Variants in ARID5B observed in about 807,000 individuals in gnomAD.
The protein encoded by ARID5B is AT-rich interactive domain-containing protein 5B.
In ARID5B, 13 loss-of-function variants were observed where a neutral mutation model predicts 97.2. The observed-to-expected ratio is 0.13, with a 90% CI of 0.09 to 0.21. ARID5B has a LOEUF of 0.21. ARID5B is among the 10% of genes least tolerant of loss of function. The pLI is 1.00. For missense variants in ARID5B, 1,210 were observed against 1,465.3 expected, an observed-to-expected ratio of 0.83 and a Z score of 2.84; for synonymous variants, 556 against 570.3, an observed-to-expected ratio of 0.97 and a Z score of 0.36.
chr10:62,003,063 A>G (rs1183852110), intron 4 of ARID5B, among the ~76,000 whole-genome samples: 1 of 152,222 alleles, frequency 6.6e-6, no homozygotes, highest in East Asian at 1.9e-4. Flanking sequence ...TCTCAAAAGG[A>G]CACTGTTTGC....
intron 3 of ARID5B, among the ~76,000 whole-genome samples, chr10:61,984,308 G>A (rs1275392062): frequency 6.6e-6 from 1 of 152,204 alleles, no homozygotes; most frequent in Non-Finnish European, 1.5e-5. Context: ...GTTCACCCAT[G>A]TAAACCCACT....
chr10:61,946,928 A>T (rs1329278994), intron 3 of ARID5B, among the ~76,000 whole-genome samples: 1 of 152,172 alleles, frequency 6.6e-6, no homozygotes, highest in African/African-American at 2.4e-5. Flanking sequence ...CTCAAAAAAA[A>T]ATAATAATAA....
At chr10:61,946,914 C>G (rs1838246323) in intron 3 of ARID5B, among the ~76,000 whole-genome samples, 1 of 151,928 alleles carries the variant, frequency 6.6e-6, no homozygotes, top group Non-Finnish European at 1.5e-5. Flanking sequence ...GAGTGAGACT[C>G]TGTCTCAAAA....
intron 5 of ARID5B, among the ~76,000 whole-genome samples, chr10:62,056,072 C>T (rs10995019): frequency 0.33 from 49,769 of 151,696 alleles, 8,469 homozygotes; most frequent in East Asian, 0.48. Flanking sequence ...CTTTGTACTT[C>T]CCCCTTTTAC....
At chr10:61,991,422 T>G (rs1838923923) in intron 3 of ARID5B, among the ~76,000 whole-genome samples, 1 of 152,196 alleles carries the variant, frequency 6.6e-6, no homozygotes, top group Admixed American at 6.5e-5. Context: ...CTCACTGTGG[T>G]TTTGCTTTAC....
chr10:62,088,578 TGTAA>T (rs1840323089), intron 9 of ARID5B, among the ~76,000 whole-genome samples: 1 of 152,230 alleles, frequency 6.6e-6, no homozygotes, highest in Admixed American at 6.5e-5. Flanking sequence ...TTCAGGGAGC[TGTAA>T]GTGTCTCAGG....
chr10:61,965,168 T>TA lies in ARID5B; in HGVS notation c.502+24761dup, dbSNP rs1314559194. ...GAATGGATGGCTAATGATTAGCTGT[T>TA]ACAGTCCAAAGGGGCAGGGTATTTT... On this transcript the variant is annotated intron_variant, in intron 3 of 9. Coordinates refer to ENST00000279873, the MANE Select transcript of ARID5B (RefSeq NM_032199.3). Among the ~76,000 whole-genome samples, 3 of 152,188 alleles carry TA rather than the reference T, an allele frequency of 2.0e-5. No individual in the cohort carries two copies. In the East Asian group the frequency reaches 5.8e-4, roughly 29 times the overall value.
intron 3 of ARID5B, among the ~76,000 whole-genome samples, chr10:61,990,372 C>A (rs894831131): frequency 6.6e-6 from 1 of 152,114 alleles, no homozygotes; most frequent in African/African-American, 2.4e-5. Context: ...ACCACATGAC[C>A]CTTTGTCTAA....
intron 9 of ARID5B, among the ~76,000 whole-genome samples, chr10:62,088,697 C>A (rs9415639): frequency 3.9e-5 from 6 of 152,108 alleles, no homozygotes; most frequent in Non-Finnish European, 7.4e-5. Context: ...AACATAGAAC[C>A]ATGTTATTAG....
intron 8 of ARID5B, among the ~76,000 whole-genome samples, chr10:62,074,303 CT>C (rs1434389870): frequency 6.6e-6 from 1 of 152,208 alleles, no homozygotes; most frequent in African/African-American, 2.4e-5. Flanking sequence ...TCTTCATCTT[CT>C]TGCACACATA....
intron 3 of ARID5B, among the ~76,000 whole-genome samples, chr10:61,949,181 C>A (rs1449820934): frequency 6.6e-6 from 1 of 152,194 alleles, no homozygotes; most frequent in Non-Finnish European, 1.5e-5. Flanking sequence ...TCTGTTTAAG[C>A]TATTCCAACC....
rs1320976560 is a variant in ARID5B, at chr10:62,050,946, A to G, written c.792A>G (p.Ser264=). 1.9e-6 allele frequency: 3 copies of G among 1,614,226 alleles called. No individual in the cohort carries two copies. The highest frequency in any genetic ancestry group is 1.1e-5 in the South Asian group (1 of 91,088). Residue 264 remains serine, a synonymous_variant, in exon 5 of 10, where the codon TCA becomes TCG. Coordinates refer to ENST00000279873, the MANE Select transcript of ARID5B (RefSeq NM_032199.3). ...KKKPCPQRRD[S]FSGVKDSNNN... Reference sequence around the variant, plus strand: ...AACCATGCCCACAAAGAAGAGATTCATTCAGTGGTGTTAAGGATTCCAACA... The same window carrying G: ...AACCATGCCCACAAAGAAGAGATTCGTTCAGTGGTGTTAAGGATTCCAACA...
chr10:61,919,106 TAACTG>T (rs1319926381), intron 2 of ARID5B, among the ~76,000 whole-genome samples: 2 of 126,502 alleles, frequency 1.6e-5, no homozygotes, highest in East Asian at 2.5e-4. Context: ...ATGTCAAAAT[TAACTG>T]AGATAGGAGT....
chr10:61,930,378 T>C (rs1844183368), intron 2 of ARID5B, among the ~76,000 whole-genome samples: 1 of 152,138 alleles, frequency 6.6e-6, no homozygotes, highest in Non-Finnish European at 1.5e-5. Flanking sequence ...ACAAAGGTAG[T>C]GTTTTTCCTT....
At chr10:61,925,598 C>A (rs1844090187) in intron 2 of ARID5B, among the ~76,000 whole-genome samples, 3 of 152,076 alleles carry the variant, frequency 2.0e-5, no homozygotes, top group Admixed American at 2.0e-4. Flanking sequence ...CACTGGGATG[C>A]AATTTTCTGC....
In ARID5B at chr10:61,947,780, G is replaced by T. The variant is rs79542569; in HGVS notation, c.502+7372G>T. Among the ~76,000 whole-genome samples the T allele has an allele frequency of 6.5e-3, 990 of 152,280 alleles. 10 individuals carry two copies. The highest frequency in any genetic ancestry group is 0.048 in the Middle Eastern group (14 of 294). On this transcript the variant is annotated intron_variant, in intron 3 of 9. Coordinates refer to ENST00000279873, the MANE Select transcript of ARID5B (RefSeq NM_032199.3). The stretch of plus-strand genomic sequence containing the variant: ...ACACTCAGCCATCTTGGCTATTCCT[G>T]CTAGAAAAGAGGTCTTTGTGAAATC...
At chr10:62,033,612 C>T (rs1839524749) in intron 4 of ARID5B, among the ~76,000 whole-genome samples, 1 of 152,196 alleles carries the variant, frequency 6.6e-6, no homozygotes, top group Non-Finnish European at 1.5e-5. Context: ...ATGTCAGTAA[C>T]TCTCCAACCA....
chr10:61,979,347 T>A (rs919186850), intron 3 of ARID5B, among the ~76,000 whole-genome samples: 2 of 152,210 alleles, frequency 1.3e-5, no homozygotes, highest in South Asian at 2.1e-4. Flanking sequence ...ACTTTAGACA[T>A]CATGGAATCC....
chr10:61,985,098 T>C (rs1212752375), intron 3 of ARID5B, among the ~76,000 whole-genome samples: 1 of 151,914 alleles, frequency 6.6e-6, no homozygotes, highest in Non-Finnish European at 1.5e-5. Context: ...GGAGTTTCTA[T>C]GTATCCTTCA....
Sources: allele counts gnomAD v4.1 joint callset (sites outside exome capture counted in the v4.1 genomes callset), GRCh38; gene constraint gnomAD v4.1.1; transcripts MANE v1.5; gene names NCBI Gene and HGNC (gene_info 2026-07-23, HGNC 2026-07-21).